The following ABCA13 variants were observed in gnomAD, a reference collection of about 807,000 sequenced individuals.
ABCA13 encodes the protein ATP binding cassette subfamily A member 13, also known as ATP-binding cassette sub-family A member 13.
ABCA13 carries 476 observed loss-of-function variants against 478.7 expected under a neutral mutation model. The ratio of observed to expected loss-of-function variants is 0.99; its 90% CI spans 0.92 to 1.07. ABCA13 has a LOEUF of 1.07. Ranked by LOEUF, ABCA13 falls within the 50% of genes least tolerant of loss-of-function variation. ABCA13 has a pLI of 0.00. For missense variants in ABCA13, 6,060 were observed against 5,910.6 expected (o/e 1.03, Z -0.83); for synonymous variants, 2,252 against 2,158.9 (o/e 1.04, Z -1.20).
chr7:48,225,135 G>GCCTGCCTGCCTGCCTGCCTGCCTTCCTT (rs1312566145), intron 5 of ABCA13, among the ~76,000 whole-genome samples: 18 of 69,884 alleles, frequency 2.6e-4, no homozygotes, highest in African/African-American at 8.5e-4. Context: ...CTGCCTGCCT[G>GCCTGCCTGCCTGCCTGCCTGCCTTCCTT]CCTTCCTTCC....
rs1562927406 is a variant in ABCA13 at position 48,272,120 on chromosome 7, T to C, written c.2454T>C (p.Asn818=). Residue 818 remains asparagine (N), a synonymous_variant, in exon 17 of 62, where the codon AAT becomes AAC. Coordinates refer to ENST00000435803, the MANE Select transcript of ABCA13 (RefSeq NM_152701.5). ...ACTGGATAAGGAAGGAACCAAAAAA[T>C]CTTTTGAGATTCATAGAATTAATAC... ...GSHWIRKEPK[N]LLRFIELILF... is the part of the protein sequence containing the mutation. 3.7e-6 allele frequency: 6 copies of C among 1,613,580 alleles called. No homozygotes were observed. Among genetic ancestry groups the C allele is most frequent in the East Asian group, 2.2e-5 (1 of 44,848 alleles).
At chr7:48,393,143 T>G (rs1302301848) in intron 38 of ABCA13, among the ~76,000 whole-genome samples, 4 of 152,192 alleles carry the variant, frequency 2.6e-5, no homozygotes. Flanking sequence ...AACAAAGTGG[T>G]GTTTGAGGGT....
intron 3 of ABCA13, among the ~76,000 whole-genome samples, chr7:48,203,795 C>T (rs1784542837): frequency 6.6e-6 from 1 of 152,248 alleles, no homozygotes; most frequent in African/African-American, 2.4e-5. Context: ...GGCGGATCGC[C>T]ATACCCATGC....
At chr7:48,403,957 A>G in intron 39 of ABCA13, 78 bp downstream of exon 39, 1 of 1,485,716 alleles carries the variant, frequency 6.7e-7, no homozygotes, top group African/African-American at 1.4e-5. Flanking sequence ...GTACAGTAGA[A>G]TCAAGTTGTA....
At chr7:48,392,963 T>C (rs887563318) in intron 38 of ABCA13, among the ~76,000 whole-genome samples, 2 of 152,162 alleles carry the variant, frequency 1.3e-5, no homozygotes, top group East Asian at 1.9e-4. Context: ...GAAAGTGGAA[T>C]AGCACAAGGA....
At chr7:48,344,053 A>C (rs564368976) in intron 29 of ABCA13, among the ~76,000 whole-genome samples, 32 of 151,994 alleles carry the variant, frequency 2.1e-4, no homozygotes, top group Admixed American at 2.0e-3. Flanking sequence ...ATGTTTGGTG[A>C]TATTATGTGT....
intron 51 of ABCA13, 120 bp downstream of exon 51, chr7:48,511,319 T>A: frequency 4.8e-6 from 4 of 833,258 alleles, no homozygotes; most frequent in Non-Finnish European, 7.4e-6. Flanking sequence ...GCAATTATGT[T>A]GCTTCTGCAA....
Position 48,431,175 on chromosome 7 carries a change from T to C in ABCA13, c.12565+3304T>C, listed in dbSNP as rs935225253. On this transcript the variant is annotated intron_variant, in intron 42 of 61. Transcript: ENST00000435803. The stretch of plus-strand genomic sequence containing the variant: ...GTTATTAAAGTCCCATTTCATTTTA[T>C]TGTAATCTGAAAGAAACCAGAATGG... 1.4e-4 allele frequency among the ~76,000 whole-genome samples: 21 copies of C among 152,148 alleles called. 1 individual carries two copies. The highest frequency in any genetic ancestry group is 1.3e-3 in the Admixed American group (20 of 15,270).
At chr7:48,451,731 G>A (rs1214529718) in intron 42 of ABCA13, among the ~76,000 whole-genome samples, 1 of 152,186 alleles carries the variant, frequency 6.6e-6, no homozygotes, top group Non-Finnish European at 1.5e-5. Flanking sequence ...GTAGTGTGGA[G>A]ATCATATTCT....
intron 35 of ABCA13, among the ~76,000 whole-genome samples, chr7:48,378,980 A>T (rs1000990733): frequency 6.6e-6 from 1 of 152,188 alleles, no homozygotes; most frequent in South Asian, 2.1e-4. Context: ...TTAGAGTGGG[A>T]GGTTTTATAT....
intron 3 of ABCA13, among the ~76,000 whole-genome samples, chr7:48,201,556 C>T (rs1350115635): frequency 6.6e-6 from 1 of 152,094 alleles, no homozygotes; most frequent in Non-Finnish European, 1.5e-5. Context: ...CCTGTCTCTA[C>T]TATAAATCCA....
At chr7:48,182,051 T>C (rs1795767836) in intron 1 of ABCA13, among the ~76,000 whole-genome samples, 1 of 152,158 alleles carries the variant, frequency 6.6e-6, no homozygotes. Flanking sequence ...CCCTGCTGTA[T>C]GGCCACCTCT....
intron 52 of ABCA13, 134 bp downstream of exon 52, chr7:48,517,015 C>T (rs1832173720): frequency 1.0e-6 from 1 of 1,000,514 alleles, no homozygotes; most frequent in Non-Finnish European, 1.4e-6. Context: ...CTTTAAACTC[C>T]AGAGAGATAA....
intron 24 of ABCA13, among the ~76,000 whole-genome samples, chr7:48,311,501 G>A (rs1363480304): frequency 6.6e-6 from 1 of 152,118 alleles, no homozygotes; most frequent in African/African-American, 2.4e-5. Flanking sequence ...CCATTGGCAC[G>A]ATGCTACTTT....
Position 48,219,363 on chromosome 7 carries a change from G to A in ABCA13, c.297G>A (p.Arg99=). The change falls in exon 4 of 62, where the codon AGG becomes AGA. Residue 99 remains arginine, a synonymous_variant. Coordinates refer to ENST00000435803, the MANE Select transcript of ABCA13 (RefSeq NM_152701.5). ...GSMEHHFRLS[R]FQTAADPKKV... ...TTTATTCTGTTTAAAGTTTGTCTAGGTTCCAAACTGCAGCTGACCCCAAGA... is the reference window on the plus strand; with the variant it reads ...TTTATTCTGTTTAAAGTTTGTCTAGATTCCAAACTGCAGCTGACCCCAAGA... 6.2e-7 allele frequency: 1 copy of A among 1,610,354 alleles called. No individual in the cohort carries two copies.
rs1171539383 is a variant in ABCA13 at position 48,234,100 on chromosome 7, T to A, written c.846T>A (p.Phe282Leu). The A allele has an allele frequency of 5.0e-6, 8 of 1,614,060 alleles. No homozygotes were observed. The South Asian group carries it at 8.8e-5, about 18-fold the overall frequency. ...ATGATCTCAAATCCCAGTTTGGCTTTGATGATCTTCACACGGAACAGATCC... is the reference window on the plus strand; with the variant it reads ...ATGATCTCAAATCCCAGTTTGGCTTAGATGATCTTCACACGGAACAGATCC... ...VQYDLKSQFG[F>L]DDLHTEQILN... The change falls in exon 8 of 62, where the codon TTT becomes TTA. Residue 282 changes from phenylalanine to leucine, a missense_variant. This residue lies in a region of ABCA13 where 4,423 missense variants were observed against 4,309.1 expected (regional missense o/e 1.03). Transcript: ENST00000435803.
In ABCA13 at chr7:48,412,432, T is replaced by G; in HGVS notation, c.12308T>G (p.Phe4103Cys). The change falls in exon 41 of 62, where the codon TTT becomes TGT. Residue 4103 changes from phenylalanine to cysteine, a missense_variant. Around this residue, in one of 3 missense-constraint regions of ABCA13, gnomAD observed 1,627 missense variants for 1,571.0 expected, o/e 1.04. Coordinates refer to ENST00000435803, the MANE Select transcript of ABCA13 (RefSeq NM_152701.5). ...SLIKIYIPQAFLKDSSGSELT... is the reference protein window; with the variant it reads ...SLIKIYIPQACLKDSSGSELT... ...ATAAAGATCTATATTCCACAAGCAT[T>G]TCTCAAAGACAGCAGTGGAAGTGAG... The G allele has an allele frequency of 1.2e-6, 2 of 1,613,632 alleles. No individual in the cohort carries two copies. The highest frequency in any genetic ancestry group is 1.7e-6 in the Non-Finnish European group (2 of 1,179,848).
intron 3 of ABCA13, among the ~76,000 whole-genome samples, chr7:48,201,743 A>G (rs1798754269): frequency 6.6e-6 from 1 of 152,206 alleles, no homozygotes; most frequent in Non-Finnish European, 1.5e-5. Flanking sequence ...CTTGAAGGCA[A>G]ATATCACAGT....
At chr7:48,244,387 G>T (rs1791350359) in intron 10 of ABCA13, among the ~76,000 whole-genome samples, 189 bp from the exon 11 acceptor site, 1 of 152,184 alleles carries the variant, frequency 6.6e-6, no homozygotes, top group Non-Finnish European at 1.5e-5. Context: ...AGTATTGAAA[G>T]AATCTCCCAA....
Sources: gnomAD v4.1 joint callset for allele counts (sites outside exome capture counted in the v4.1 genomes callset) on GRCh38, gnomAD v4.1.1 for gene constraint, gnomAD v4.1.1 regional missense constraint, MANE v1.5 for transcripts, NCBI Gene and HGNC (gene_info 2026-07-23, HGNC 2026-07-21) for gene names.